Variants in CASD1 observed in about 807,000 individuals in gnomAD.
CASD1 encodes N-acetylneuraminate (7)9-O-acetyltransferase.
In CASD1, 41 loss-of-function variants were observed where a neutral mutation model predicts 100.0. That is an observed-to-expected ratio of 0.41 (90% CI 0.32 to 0.53). The LOEUF (loss-of-function observed/expected upper bound fraction) is 0.53, where lower values mean the gene tolerates loss of function less well. Among genes scored for constraint, CASD1 ranks in the 20% least tolerant of loss-of-function variants. The pLI is 0.25. For synonymous variants in CASD1, 321 were observed against 315.6 expected, an observed-to-expected ratio of 1.02 and a Z score of -0.18; for missense variants, 774 against 948.7, an observed-to-expected ratio of 0.82 and a Z score of 2.42.
In CASD1 at chr7:94,510,034, G is replaced by A; in HGVS notation, c.-51G>A. 1 of 1,461,020 alleles carries A rather than the reference G, an allele frequency of 6.8e-7. No homozygotes were observed. The highest frequency in any genetic ancestry group is 9.1e-7 in the Non-Finnish European group (1 of 1,096,950). The allele number at this position is 1,461,020 out of a possible 1,614,324, so 90.5% of individuals were successfully genotyped here. A position where few individuals can be genotyped will look rare whatever the true frequency, so the allele number is the denominator to read the frequency against. Reference sequence around the variant, plus strand: ...GCGGCAGCCCCAGTGCTGCCCCTGTGCGGCGCCCCTTTCCCGCTCCGCCGC... The same window carrying A: ...GCGGCAGCCCCAGTGCTGCCCCTGTACGGCGCCCCTTTCCCGCTCCGCCGC... On this transcript the variant is annotated 5_prime_UTR_variant, in exon 1 of 18. Transcript: ENST00000297273.
the CASD1 span, chr7:94,624,868 A>C: frequency 2.0e-5 from 3 of 152,028 alleles, no homozygotes; most frequent in East Asian, 5.8e-4. Context: ...AATTCCAATA[A>C]ATGTCTTTAT....
At chr7:94,590,863 A>C in the CASD1 span, 1 of 152,198 alleles carries the variant, frequency 6.6e-6, no homozygotes, top group East Asian at 1.9e-4. Context: ...TTATGTTCCA[A>C]ATACAACAAT....
At chr7:94,528,351 T>C (rs1794681047) in intron 5 of CASD1, 101 bp downstream of exon 5, 13 of 782,102 alleles carry the variant, frequency 1.7e-5, no homozygotes, top group Non-Finnish European at 2.4e-5. Context: ...CTCTCCTATA[T>C]TTTATACCTG....
intron 12 of CASD1, among the ~76,000 whole-genome samples, chr7:94,546,297 T>C (rs1795676474): frequency 1.3e-5 from 2 of 152,144 alleles, no homozygotes; most frequent in African/African-American, 2.4e-5. Flanking sequence ...TAGTTACTAA[T>C]AATGTTCAAA....
At chr7:94,589,842 A>G in the CASD1 span, 1 of 165,074 alleles carries the variant, frequency 6.1e-6, no homozygotes. Flanking sequence ...ATATTTCATT[A>G]TATATTACAA....
the CASD1 span, chr7:94,624,208 C>G: frequency 2.5e-6 from 1 of 396,300 alleles, no homozygotes; most frequent in Non-Finnish European, 4.4e-6. Flanking sequence ...TCTTAGAATC[C>G]CAGCACTAAC....
At chr7:94,526,333 A>C (rs1319639065) in intron 3 of CASD1, among the ~76,000 whole-genome samples, 1 of 152,232 alleles carries the variant, frequency 6.6e-6, no homozygotes, top group Non-Finnish European at 1.5e-5. Flanking sequence ...TAGTCTGTGC[A>C]TCAGTTAAGT....
chr7:94,526,604 G>A (rs550488102), intron 3 of CASD1, among the ~76,000 whole-genome samples: 6 of 152,218 alleles, frequency 3.9e-5, no homozygotes, highest in South Asian at 2.1e-4. Flanking sequence ...GCTGGGCAAC[G>A]TGACAAAACC....
the CASD1 span, chr7:94,626,738 T>C: frequency 2.6e-5 from 4 of 152,032 alleles, no homozygotes; most frequent in Non-Finnish European, 1.5e-5. Context: ...AATAGATTTA[T>C]CAGACAGAGT....
At chr7:94,524,485 A>T (rs927109229) in intron 3 of CASD1, among the ~76,000 whole-genome samples, 1 of 152,160 alleles carries the variant, frequency 6.6e-6, no homozygotes, top group African/African-American at 2.4e-5. Context: ...GGCAAGAAAT[A>T]TGAAAACAGA....
the CASD1 span, among the ~76,000 whole-genome samples, chr7:94,594,233 C>T: frequency 1.3e-5 from 2 of 152,006 alleles, no homozygotes; most frequent in Non-Finnish European, 2.9e-5. Flanking sequence ...ATTCTTTGGG[C>T]AAAGTCAATT....
the CASD1 span, among the ~76,000 whole-genome samples, chr7:94,564,641 A>G: frequency 6.6e-6 from 1 of 152,158 alleles, no homozygotes; most frequent in African/African-American, 2.4e-5. Flanking sequence ...AACAGGATGG[A>G]TCCATGGACA....
In CASD1 at chr7:94,544,437, A is replaced by G; in HGVS notation, c.1383A>G (p.Arg461=). 1 of 1,613,142 alleles carries G rather than the reference A, an allele frequency of 6.2e-7. No individual in the cohort carries two copies. The part of the protein sequence containing the change: ...STFLPVYMHI[R]VLVAAYLFQT... ...TTTTGCCTGTATACATGCACATTCGAGTTCTGGTTGCTGCATATTTATTTC... is the reference window on the plus strand; with the variant it reads ...TTTTGCCTGTATACATGCACATTCGGGTTCTGGTTGCTGCATATTTATTTC... The change falls in exon 11 of 18, where the codon CGA becomes CGG. Residue 461 remains arginine, a synonymous_variant. Transcript: ENST00000297273.
rs201657923 is a variant in CASD1, at chr7:94,522,617, ATGTT to A, written c.351+4301_351+4304del. Among the ~76,000 whole-genome samples the A allele has an allele frequency of 9.5e-4, 145 of 152,268 alleles. No homozygotes were observed. In the East Asian group the frequency reaches 0.022, roughly 23 times the overall value. ...GAAAATACACTTTACAATCAGGGAA[ATGTT>A]TGTTTGAAGCACGCGTGGAACTTTT... is the stretch of plus-strand genomic sequence containing the variant. On this transcript the variant is annotated intron_variant, in intron 3 of 17. Transcript: ENST00000297273.
chr7:94,551,323 C>A lies in CASD1; in HGVS notation c.1816-15C>A. On this transcript the variant is annotated splice_polypyrimidine_tract_variant and intron_variant, in intron 14 of 17. Coordinates refer to ENST00000297273, the MANE Select transcript of CASD1 (RefSeq NM_022900.5). ...AGTAACTGTTTAAAACAAATTTTCT[C>A]TCTTTACTTTTCAGGTAGTTTTCCA... 2 of 1,529,056 alleles carry A rather than the reference C, an allele frequency of 1.3e-6. No individual in the cohort carries two copies. The highest frequency in any genetic ancestry group is 2.7e-5 in the South Asian group (2 of 75,290). The allele number at this position is 1,529,056 out of a possible 1,614,324, so 94.7% of individuals were successfully genotyped here. A position where few individuals can be genotyped will look rare whatever the true frequency, so the allele number is the denominator to read the frequency against.
At chr7:94,542,299 T>C (rs1795443641) in intron 10 of CASD1, among the ~76,000 whole-genome samples, 1 of 152,188 alleles carries the variant, frequency 6.6e-6, no homozygotes, top group African/African-American at 2.4e-5. Context: ...CTAGCCACAT[T>C]CACTGCATGT....
At chr7:94,623,141 T>A in the CASD1 span, among the ~76,000 whole-genome samples, 5 of 152,158 alleles carry the variant, frequency 3.3e-5, no homozygotes, top group Non-Finnish European at 7.4e-5. Flanking sequence ...TTCACCATCA[T>A]AACACACCAT....
At chr7:94,606,221 C>T in the CASD1 span, among the ~76,000 whole-genome samples, 2 of 152,240 alleles carry the variant, frequency 1.3e-5, no homozygotes, top group South Asian at 2.1e-4. Context: ...CAACTATACT[C>T]TTTATAAAAA....
At chr7:94,586,349 A>T in the CASD1 span, among the ~76,000 whole-genome samples, 1 of 152,226 alleles carries the variant, frequency 6.6e-6, no homozygotes, top group Non-Finnish European at 1.5e-5. Context: ...AAATATATAA[A>T]CAGCACTAAA....
Sources: gnomAD v4.1 joint callset for allele counts (sites outside exome capture counted in the v4.1 genomes callset) on GRCh38, gnomAD v4.1.1 for gene constraint, MANE v1.5 for transcripts, NCBI Gene and HGNC (gene_info 2026-07-23, HGNC 2026-07-21) for gene names.